The following TRPM7 variants were observed in gnomAD, a reference collection of about 807,000 sequenced individuals.
TRPM7 encodes LTRPC ion channel family member 7.
TRPM7 carries 134 observed loss-of-function variants against 229.7 expected under a neutral mutation model. The ratio of observed to expected loss-of-function variants is 0.58; its 90% CI spans 0.51 to 0.67. The LOEUF (loss-of-function observed/expected upper bound fraction) is 0.67, where lower values mean the gene tolerates loss of function less well. TRPM7 is among the 30% of genes least tolerant of loss of function. TRPM7 has a pLI of 0.00. For synonymous variants in TRPM7, 699 were observed against 715.2 expected (o/e 0.98, Z 0.36); for missense variants, 1,901 against 2,210.0 (o/e 0.86, Z 2.80).
intron 22 of TRPM7, 47 bp downstream of exon 22, chr15:50,599,075 A>G (rs2059707391): frequency 1.4e-6 from 2 of 1,419,796 alleles, no homozygotes; most frequent in African/African-American, 2.9e-5. Context: ...ATTGGTTTTA[A>G]AACACAAAAT....
Position 50,604,947 on chromosome 15 carries a change from T to C in TRPM7, c.2907A>G (p.Ile969Met). 6.2e-7 allele frequency: 1 copy of C among 1,613,772 alleles called. No homozygotes were observed. Among genetic ancestry groups the C allele is most frequent in the Non-Finnish European group, 8.5e-7 (1 of 1,179,838 alleles). The stretch of plus-strand genomic sequence containing the variant: ...CTAGCAAACGCACATACCAAAATAT[T>C]ATGTTAAGACAGTAAATTAATCTTC... ...VAGRLIYCLN[I>M]IFWYVRLLDF... The change falls in exon 21 of 39, where the codon ATA becomes ATG. Residue 969 changes from isoleucine to methionine, a missense_variant. Transcript: ENST00000646667.
chr15:50,595,863 ATAAATAAAT>A (rs570809664), intron 23 of TRPM7, among the ~76,000 whole-genome samples: 11 of 152,212 alleles, frequency 7.2e-5, no homozygotes, highest in Admixed American at 1.3e-4. Context: ...TGTCTCAAAA[ATAAATAAAT>A]TAAATAAAAA....
chr15:50,564,559 T>C (rs1275923776), intron 38 of TRPM7, among the ~76,000 whole-genome samples: 3 of 151,894 alleles, frequency 2.0e-5, no homozygotes, highest in South Asian at 2.1e-4. Flanking sequence ...TTTTATTTTT[T>C]TAAAAAAAAG....
rs371228510 is a variant in TRPM7, at chr15:50,632,863, A to G, written c.1131+6T>C. ...GCTTTTTAAATTTCTGCTGAAATCT[A>G]CTTACAAGCTCCTTTCTTTTCATGC... is the stretch of plus-strand genomic sequence containing the variant. On this transcript the variant is annotated splice_donor_region_variant and intron_variant, in intron 9 of 38. Coordinates refer to ENST00000646667, the MANE Select transcript of TRPM7 (RefSeq NM_017672.6). The G allele has an allele frequency of 7.9e-6, 12 of 1,513,732 alleles. No individual in the cohort carries two copies. The highest frequency in any genetic ancestry group is 8.8e-6 in the Non-Finnish European group (10 of 1,138,526). The allele number at this position is 1,513,732 out of a possible 1,614,324, so 93.8% of individuals were successfully genotyped here.
intron 6 of TRPM7, among the ~76,000 whole-genome samples, chr15:50,638,768 C>G (rs1254935758): frequency 6.6e-6 from 1 of 152,108 alleles, no homozygotes; most frequent in African/African-American, 2.4e-5. Flanking sequence ...TCACTGCAAC[C>G]TCTGCCTTCC....
intron 13 of TRPM7, among the ~76,000 whole-genome samples, chr15:50,615,095 A>T (rs949992846): frequency 1.4e-5 from 2 of 144,048 alleles, no homozygotes; most frequent in Non-Finnish European, 3.0e-5. Context: ...GGCGGGAGGC[A>T]GAGGTTGCAG....
At chr15:50,682,992 C>T (rs1415194944) in intron 1 of TRPM7, among the ~76,000 whole-genome samples, 1 of 151,746 alleles carries the variant, frequency 6.6e-6, no homozygotes, top group Non-Finnish European at 1.5e-5. Context: ...AAGCCATCCT[C>T]CCACCTCAGC....
At chr15:50,651,283 A>G (rs569438064) in intron 3 of TRPM7, among the ~76,000 whole-genome samples, 1 of 152,346 alleles carries the variant, frequency 6.6e-6, no homozygotes, top group South Asian at 2.1e-4. Context: ...AGACCAGAAA[A>G]GAACGAGATG....
intron 23 of TRPM7, among the ~76,000 whole-genome samples, chr15:50,594,834 A>G (rs1447528691): frequency 6.6e-6 from 1 of 152,200 alleles, no homozygotes; most frequent in Non-Finnish European, 1.5e-5. Flanking sequence ...AAAATTTAAA[A>G]TATTGTATGT....
chr15:50,571,813 C>T (rs752308679), intron 36 of TRPM7, among the ~76,000 whole-genome samples: 24 of 152,160 alleles, frequency 1.6e-4, no homozygotes, highest in Non-Finnish European at 2.6e-4. Context: ...GGAATCTACT[C>T]GGTGAAGATA....
intron 15 of TRPM7, 22 bp downstream of exon 15, chr15:50,613,685 A>C (rs377767282): frequency 1.8e-4 from 275 of 1,497,938 alleles, no homozygotes; most frequent in Non-Finnish European, 2.1e-4. Context: ...ACCCAGAAAG[A>C]ATAATATTTA....
chr15:50,682,341 G>C (rs1247317759), intron 1 of TRPM7, among the ~76,000 whole-genome samples: 2 of 151,544 alleles, frequency 1.3e-5, no homozygotes, highest in Non-Finnish European at 2.9e-5. Context: ...CAGAAAAACA[G>C]GTTAAAAAAA....
chr15:50,680,966 T>A (rs1181082805), intron 1 of TRPM7, among the ~76,000 whole-genome samples: 1 of 152,132 alleles, frequency 6.6e-6, no homozygotes, highest in East Asian at 1.9e-4. Flanking sequence ...TTAATATATG[T>A]AAAGTGTCGG....
chr15:50,614,158 G>A lies in TRPM7; in HGVS notation c.1600C>T (p.Arg534Ter), dbSNP rs768140592. 8 of 1,610,730 alleles carry A rather than the reference G, an allele frequency of 5.0e-6. No individual in the cohort carries two copies. Among genetic ancestry groups the A allele is most frequent in the Non-Finnish European group, 6.8e-6 (8 of 1,178,780 alleles). The change falls in exon 14 of 39, where the codon CGA becomes TGA. Residue 534 changes from arginine to a stop codon, truncating the protein, a stop_gained. Coordinates refer to ENST00000646667, the MANE Select transcript of TRPM7 (RefSeq NM_017672.6). LOFTEE classifies it high-confidence loss of function. Reference sequence around the variant, plus strand: ...CCACCAAGACTATTATATATTAATCGAAAACGTTTCCTAGTATAGGTGCAT... The same window carrying A: ...CCACCAAGACTATTATATATTAATCAAAAACGTTTCCTAGTATAGGTGCAT... ...YRCTYTRKRF[R>*]LIYNSLGGNN...
Position 50,632,991 on chromosome 15 carries a change from T to A in TRPM7, c.1009A>T (p.Asn337Tyr). The A allele has an allele frequency of 6.3e-7, 1 of 1,579,026 alleles. No homozygotes were observed. Among genetic ancestry groups the A allele is most frequent in the Non-Finnish European group, 8.5e-7 (1 of 1,170,298 alleles). Reference sequence around the variant, plus strand: ...TCGGGCTCTGCTGCATCAGGAAGATTCCTGGAATAAAAGGAAACATAATTC... The same window carrying A: ...TCGGGCTCTGCTGCATCAGGAAGATACCTGGAATAAAAGGAAACATAATTC... ...YIHKQTEEGG[N>Y]LPDAAEPDII... The change falls in exon 9 of 39, where the codon AAT (asparagine) becomes TAT (tyrosine). Residue 337 changes from asparagine to tyrosine, a missense_variant and splice_region_variant. Transcript: ENST00000646667.
intron 13 of TRPM7, among the ~76,000 whole-genome samples, chr15:50,617,180 AAAAT>A (rs1218246053): frequency 2.2e-5 from 3 of 138,626 alleles, no homozygotes; most frequent in South Asian, 2.3e-4. Context: ...ATAAATAAAT[AAAAT>A]AAATTAGCCA....
At chr15:50,570,574 G>A (rs757804788) in intron 36 of TRPM7, among the ~76,000 whole-genome samples, 26 of 151,824 alleles carry the variant, frequency 1.7e-4, no homozygotes, top group Non-Finnish European at 3.4e-4. Flanking sequence ...CAGGCGCAGT[G>A]GCTCACGCCT....
rs202127922 is a variant in TRPM7, at chr15:50,678,621, CTAAT to C, written c.3+7906_3+7909del. Among the ~76,000 whole-genome samples, 305 of 151,116 alleles carry C rather than the reference CTAAT, an allele frequency of 2.0e-3. 3 individuals are homozygous for C. The highest frequency in any genetic ancestry group is 4.8e-3 in the South Asian group (23 of 4,798). On this transcript the variant is annotated intron_variant, in intron 1 of 38. Coordinates refer to ENST00000646667, the MANE Select transcript of TRPM7 (RefSeq NM_017672.6). Reference sequence around the variant, plus strand: ...TCTAAACTGGCTGCCAACTACTCAACTAATTAATAATTAGATATTACTGACATTT... The same window carrying C: ...TCTAAACTGGCTGCCAACTACTCAACTAATAATTAGATATTACTGACATTT...
chr15:50,622,186 ACT>A (rs2060426831), intron 12 of TRPM7, among the ~76,000 whole-genome samples: 1 of 152,264 alleles, frequency 6.6e-6, no homozygotes, highest in South Asian at 2.1e-4. Context: ...ATTTTTTAAA[ACT>A]CTCATTTTTA....
Sources: gnomAD v4.1 joint callset for allele counts (sites outside exome capture counted in the v4.1 genomes callset) on GRCh38, gnomAD v4.1.1 for gene constraint, MANE v1.5 for transcripts, NCBI Gene and HGNC (gene_info 2026-07-23, HGNC 2026-07-21) for gene names.